The following SLC22A2 variants were observed in gnomAD, a reference collection of about 807,000 sequenced individuals.
SLC22A2 encodes the protein organic cation transporter 2.
In SLC22A2, 46 loss-of-function variants were observed where a neutral mutation model predicts 60.5. The ratio of observed to expected loss-of-function variants is 0.76; its 90% CI spans 0.60 to 0.97. The LOEUF (loss-of-function observed/expected upper bound fraction) is 0.97, where lower values mean the gene tolerates loss of function less well. SLC22A2 is among the 50% of genes least tolerant of loss of function. SLC22A2 has a pLI of 0.00. For missense variants in SLC22A2, 701 were observed against 706.6 expected (o/e 0.99, Z 0.09); for synonymous variants, 303 against 267.0 (o/e 1.13, Z -1.31).
chr6:160,240,544 G>A (rs1211735224), intron 9 of SLC22A2, among the ~76,000 whole-genome samples: 1 of 152,166 alleles, frequency 6.6e-6, no homozygotes, highest in African/African-American at 2.4e-5. Flanking sequence ...GTCCTTTGTA[G>A]ATAACTGAGG....
At chr6:160,226,882 C>T (rs1046890109) in intron 9 of SLC22A2, among the ~76,000 whole-genome samples, 1 of 152,092 alleles carries the variant, frequency 6.6e-6, no homozygotes, top group Non-Finnish European at 1.5e-5. Flanking sequence ...TCTCATTATA[C>T]CCTCTCCCTT....
At chr6:160,249,772 G>A (rs1783154250) in intron 3 of SLC22A2, among the ~76,000 whole-genome samples, 1 of 152,150 alleles carries the variant, frequency 6.6e-6, no homozygotes, top group Admixed American at 6.5e-5. Context: ...GAACACCTGA[G>A]TATAACTTGT....
chr6:160,253,624 T>A (rs1467353791), intron 2 of SLC22A2, among the ~76,000 whole-genome samples: 1 of 152,198 alleles, frequency 6.6e-6, no homozygotes, highest in Non-Finnish European at 1.5e-5. Context: ...ATGATCAGAC[T>A]TACAGAAAAT....
chr6:160,233,918 G>A (rs1232621174), intron 9 of SLC22A2, among the ~76,000 whole-genome samples: 2 of 150,646 alleles, frequency 1.3e-5, no homozygotes, highest in East Asian at 3.9e-4. Context: ...AATATAAGGA[G>A]ACAGGAATGT....
intron 9 of SLC22A2, among the ~76,000 whole-genome samples, chr6:160,229,144 C>T (rs2774232): frequency 0.73 from 110,163 of 151,596 alleles, 41,273 homozygotes; most frequent in Admixed American, 0.83. Flanking sequence ...CCACCTATGA[C>T]CTCTGGTCCT....
intron 8 of SLC22A2, 133 bp from the exon 9 acceptor site, chr6:160,241,719 G>A (rs941828977): frequency 2.3e-5 from 12 of 516,602 alleles, no homozygotes; most frequent in Admixed American, 9.9e-5. Context: ...CTCAGGTGAC[G>A]GGTGCACCAA....
chr6:160,254,802 T>C (rs1783242222), intron 2 of SLC22A2, among the ~76,000 whole-genome samples: 1 of 152,190 alleles, frequency 6.6e-6, no homozygotes, highest in South Asian at 2.1e-4. Context: ...AATGAGATCA[T>C]CTAAGAAGGT....
chr6:160,225,015 A>G (rs920733968), intron 9 of SLC22A2, among the ~76,000 whole-genome samples: 1 of 152,220 alleles, frequency 6.6e-6, no homozygotes. Context: ...TAGGGAAATG[A>G]AATACTTAAC....
At chr6:160,247,522 G>C (rs556810122) in intron 4 of SLC22A2, among the ~76,000 whole-genome samples, 1 of 152,178 alleles carries the variant, frequency 6.6e-6, no homozygotes, top group African/African-American at 2.4e-5. Context: ...AGCAGGGTGC[G>C]GCTGAACATC....
intron 9 of SLC22A2, among the ~76,000 whole-genome samples, chr6:160,229,602 G>A (rs1180447202): frequency 6.6e-6 from 1 of 151,452 alleles, no homozygotes; most frequent in Non-Finnish European, 1.5e-5. Flanking sequence ...CTTTCCTGGG[G>A]GGCAAGCACC....
Position 160,217,405 on chromosome 6 carries a change from T to A in SLC22A2, c.*27A>T. ...TGGTCTTGCTGCCATCAAAGCTAGG[T>A]CATGACAGCAGCAACGGTCTCTCTT... On this transcript the variant is annotated 3_prime_UTR_variant, in exon 11 of 11. Transcript: ENST00000366953. The A allele has an allele frequency of 5.4e-6, 8 of 1,493,016 alleles. No homozygotes were observed. Among genetic ancestry groups the A allele is most frequent in the Non-Finnish European group, 7.5e-6 (8 of 1,073,052 alleles). 92.5% of individuals were successfully genotyped at this position (1,493,016 alleles called of 1,614,324 possible).
At chr6:160,229,872 C>T (rs1458868519) in intron 9 of SLC22A2, among the ~76,000 whole-genome samples, 1 of 151,852 alleles carries the variant, frequency 6.6e-6, no homozygotes, top group Non-Finnish European at 1.5e-5. Context: ...TCCAAATAGC[C>T]AGAAAATGGC....
rs1159038546 is a variant in SLC22A2, at chr6:160,217,441, T to C, written c.1659A>G (p.Pro553=). The C allele has an allele frequency of 1.1e-5, 18 of 1,600,348 alleles. No homozygotes were observed. The highest frequency in any genetic ancestry group is 6.7e-5 in the African/African-American group (5 of 74,576). The stretch of plus-strand genomic sequence containing the variant: ...GCAACGGTCTCTCTTCTTAGTTCAA[T>C]GGAATGTCTAGTTTCTGAACTTGGA... ...IYLQVQKLDI[P]LN The change falls in exon 11 of 11, where the codon CCA becomes CCG. Residue 553 remains proline (P), a synonymous_variant. Transcript: ENST00000366953.
At chr6:160,228,611 G>C (rs1470809041) in intron 9 of SLC22A2, among the ~76,000 whole-genome samples, 1 of 152,196 alleles carries the variant, frequency 6.6e-6, no homozygotes, top group African/African-American at 2.4e-5. Flanking sequence ...TGGGTGACAG[G>C]ATTAGGCATA....
intron 10 of SLC22A2, among the ~76,000 whole-genome samples, chr6:160,221,339 T>C (rs73600498): frequency 0.012 from 1,817 of 152,360 alleles, 53 homozygotes; most frequent in African/African-American, 0.042. Flanking sequence ...GAGTTAGGGC[T>C]TTGTTCTGGG....
intron 9 of SLC22A2, among the ~76,000 whole-genome samples, chr6:160,231,853 C>G (rs1782830316): frequency 6.6e-6 from 1 of 151,918 alleles, no homozygotes; most frequent in African/African-American, 2.4e-5. Flanking sequence ...TCTTCACTCC[C>G]TTTTCATTAC....
chr6:160,220,601 A>G (rs954321853), intron 10 of SLC22A2, among the ~76,000 whole-genome samples: 8 of 152,218 alleles, frequency 5.3e-5, no homozygotes, highest in Admixed American at 4.6e-4. Context: ...TACGGTAGCT[A>G]TAGCCTTATA....
chr6:160,254,796 A>C (rs1418580162), intron 2 of SLC22A2, among the ~76,000 whole-genome samples: 3 of 152,216 alleles, frequency 2.0e-5, no homozygotes, highest in Non-Finnish European at 4.4e-5. Context: ...CAAAATAATG[A>C]GATCATCTAA....
At chr6:160,238,692 A>C (rs1782951887) in intron 9 of SLC22A2, among the ~76,000 whole-genome samples, 1 of 152,180 alleles carries the variant, frequency 6.6e-6, no homozygotes. Context: ...TCCACTAGCC[A>C]CTCATACTAA....
Sources: allele counts gnomAD v4.1 joint callset (sites outside exome capture counted in the v4.1 genomes callset), GRCh38; gene constraint gnomAD v4.1.1; transcripts MANE v1.5; gene names NCBI Gene and HGNC (gene_info 2026-07-23, HGNC 2026-07-21).